Variants in CFAP54 observed in about 807,000 individuals in gnomAD.
CFAP54 encodes the protein cilia and flagella associated protein 54.
Under a neutral mutation model 370.4 loss-of-function variants are expected in CFAP54, and 290 were observed. The ratio of observed to expected loss-of-function variants is 0.78; its 90% CI spans 0.71 to 0.86. The LOEUF is 0.86. CFAP54 is among the 40% of genes least tolerant of loss of function. The pLI, the probability that CFAP54 is intolerant of heterozygous loss-of-function variation, is 0.00. For synonymous variants in CFAP54, 1,206 were observed against 1,236.5 expected (o/e 0.98, Z 0.52); for missense variants, 3,399 against 3,528.7 (o/e 0.96, Z 0.93).
In CFAP54 at chr12:96,500,915, T is replaced by G. The variant is rs562648109; in HGVS notation, c.399T>G (p.Val133=). Residue 133 remains valine, a synonymous_variant, in exon 2 of 68, where the codon GTT becomes GTG. Transcript: ENST00000524981. ...ADYYNEKLLK[V]GDSLCQMKEY... ...ATTACAACGAAAAGCTTCTGAAGGT[T>G]GGAGATAGCCTTTGTCAAATGAAAG... 6.5e-7 allele frequency: 1 copy of G among 1,535,412 alleles called. No homozygotes were observed. Among genetic ancestry groups the G allele is most frequent in the South Asian group, 1.2e-5 (1 of 84,008 alleles).
chr12:96,706,042 C>T (rs1273301361), intron 47 of CFAP54, among the ~76,000 whole-genome samples: 1 of 151,812 alleles, frequency 6.6e-6, no homozygotes, highest in African/African-American at 2.4e-5. Context: ...ACAACAAAAT[C>T]AAGAGCCTAT....
At chr12:96,712,852 T>C (rs1168717511) in intron 48 of CFAP54, among the ~76,000 whole-genome samples, 3 of 152,058 alleles carry the variant, frequency 2.0e-5, no homozygotes, top group Admixed American at 6.6e-5. Context: ...GAAACACAAG[T>C]AATTAAAATA....
Position 96,742,606 on chromosome 12 carries a change from C to A in CFAP54, c.7219+20C>A. ...TGAAAGGTACAAACATTTGCTTAAT[C>A]AATGTTTTCATAAAAATTAATTTTA... On this transcript the variant is annotated intron_variant, in intron 52 of 67. Coordinates refer to ENST00000524981, the MANE Select transcript of CFAP54 (RefSeq NM_001306084.2). The A allele has an allele frequency of 6.3e-7, 1 of 1,594,960 alleles. No individual in the cohort carries two copies. The highest frequency in any genetic ancestry group is 8.5e-7 in the Non-Finnish European group (1 of 1,170,506).
At chr12:96,860,445 GGT>G (rs1053563227) in intron 66 of CFAP54, among the ~76,000 whole-genome samples, 8 of 152,100 alleles carry the variant, frequency 5.3e-5, no homozygotes, top group African/African-American at 1.9e-4. Context: ...ATAGCTTCCT[GGT>G]GCATCCTTCT....
intron 29 of CFAP54, among the ~76,000 whole-genome samples, chr12:96,626,026 G>A (rs1956546185): frequency 6.6e-6 from 1 of 152,148 alleles, no homozygotes; most frequent in African/African-American, 2.4e-5. Context: ...ACAGAATCTT[G>A]ATGGTGGCTT....
At chr12:96,772,929 TCCTTTGC>T (rs1958478820) in intron 60 of CFAP54, among the ~76,000 whole-genome samples, 1 of 152,176 alleles carries the variant, frequency 6.6e-6, no homozygotes, top group Non-Finnish European at 1.5e-5. Flanking sequence ...ATCTTAATTC[TCCTTTGC>T]CCTGTAATCT....
At chr12:96,597,627 C>A (rs1001463400) in intron 25 of CFAP54, among the ~76,000 whole-genome samples, 2 of 151,614 alleles carry the variant, frequency 1.3e-5, no homozygotes, top group African/African-American at 4.8e-5. Context: ...TAGAAACAAA[C>A]AATGAATTAG....
intron 64 of CFAP54, among the ~76,000 whole-genome samples, chr12:96,817,007 T>A (rs1958981524): frequency 1.3e-5 from 2 of 152,210 alleles, no homozygotes; most frequent in African/African-American, 4.8e-5. Context: ...TGCAATACAC[T>A]GAATTGTTAT....
intron 63 of CFAP54, among the ~76,000 whole-genome samples, chr12:96,801,901 G>A (rs563235706): frequency 6.6e-6 from 1 of 152,248 alleles, no homozygotes; most frequent in East Asian, 1.9e-4. Flanking sequence ...AGGAGGGACA[G>A]GAAACTAGGC....
intron 61 of CFAP54, among the ~76,000 whole-genome samples, chr12:96,785,819 G>A (rs558460878): frequency 4.6e-5 from 7 of 152,240 alleles, no homozygotes; most frequent in Non-Finnish European, 7.4e-5. Context: ...CAGGGTTTCC[G>A]CAGACACAGG....
chr12:96,554,900 A>C (rs947318854), intron 17 of CFAP54, 98 bp downstream of exon 17: 1 of 1,179,238 alleles, frequency 8.5e-7, no homozygotes, highest in Non-Finnish European at 1.1e-6. Context: ...TTGTTGACTT[A>C]AGTTTTCAGA....
intron 49 of CFAP54, among the ~76,000 whole-genome samples, chr12:96,718,995 G>A (rs542519279): frequency 4.6e-5 from 7 of 151,572 alleles, no homozygotes; most frequent in African/African-American, 7.3e-5. Context: ...TCAATATCAC[G>A]CCACTGCATT....
intron 36 of CFAP54, 48 bp from the exon 37 acceptor site, chr12:96,657,834 A>G (rs763410805): frequency 4.0e-6 from 5 of 1,259,470 alleles, no homozygotes; most frequent in Non-Finnish European, 4.4e-6. Flanking sequence ...AAAAATATGC[A>G]GTAAAATCTG....
intron 2 of CFAP54, among the ~76,000 whole-genome samples, chr12:96,501,668 C>T (rs767379977): frequency 1.2e-4 from 18 of 152,146 alleles, no homozygotes; most frequent in African/African-American, 2.7e-4. Flanking sequence ...TTAGGCCAGC[C>T]GTGGGCAGTG....
At chr12:96,661,961 C>T (rs1213874186) in intron 38 of CFAP54, among the ~76,000 whole-genome samples, 1 of 152,162 alleles carries the variant, frequency 6.6e-6, no homozygotes, top group Non-Finnish European at 1.5e-5. Flanking sequence ...TGCCAGACAC[C>T]TTGGAGACAT....
chr12:96,798,881 C>G (rs1181668131), intron 63 of CFAP54, among the ~76,000 whole-genome samples: 1 of 152,132 alleles, frequency 6.6e-6, no homozygotes, highest in Admixed American at 6.6e-5. Context: ...GATACTTTAG[C>G]TTTCAACATT....
chr12:96,824,041 G>T (rs1470431057), intron 65 of CFAP54, among the ~76,000 whole-genome samples: 4 of 152,178 alleles, frequency 2.6e-5, no homozygotes, highest in Admixed American at 1.3e-4. Flanking sequence ...GTCACTCAGA[G>T]AGCCACTGCT....
chr12:96,669,287 A>T (rs1197420878), intron 39 of CFAP54, among the ~76,000 whole-genome samples: 1 of 152,238 alleles, frequency 6.6e-6, no homozygotes, highest in East Asian at 1.9e-4. Context: ...GCTAGTTAAA[A>T]GGATTTAAAG....
At chr12:96,553,213 G>A (rs1955714398) in intron 15 of CFAP54, among the ~76,000 whole-genome samples, 1 of 152,058 alleles carries the variant, frequency 6.6e-6, no homozygotes, top group Admixed American at 6.6e-5. Context: ...GTAGTTTTGT[G>A]TTCATAACCA....
Sources: gnomAD v4.1 joint callset for allele counts (sites outside exome capture counted in the v4.1 genomes callset) on GRCh38, gnomAD v4.1.1 for gene constraint, MANE v1.5 for transcripts, NCBI Gene and HGNC (gene_info 2026-07-23, HGNC 2026-07-21) for gene names.